Variants in FNDC3A observed in about 807,000 individuals in gnomAD.
FNDC3A encodes the protein fibronectin type III domain containing 3A, also known as fibronectin type-III domain-containing protein 3A.
In FNDC3A, 32 loss-of-function variants were observed where a neutral mutation model predicts 148.9. That is an observed-to-expected ratio of 0.21 (90% CI 0.16 to 0.29). FNDC3A has a LOEUF of 0.29. FNDC3A is among the 10% of genes least tolerant of loss of function. The pLI, the probability that FNDC3A is intolerant of heterozygous loss-of-function variation, is 1.00. For missense variants in FNDC3A, 1,191 were observed against 1,452.8 expected, an observed-to-expected ratio of 0.82 and a Z score of 2.93; for synonymous variants, 472 against 473.6, an observed-to-expected ratio of 1.00 and a Z score of 0.04.
At chr13:48,982,243 A>G (rs1446951308) in intron 1 of FNDC3A, among the ~76,000 whole-genome samples, 1 of 152,002 alleles carries the variant, frequency 6.6e-6, no homozygotes, top group East Asian at 1.9e-4. Flanking sequence ...TTATGTTTAA[A>G]TTTTCTAAAT....
intron 7 of FNDC3A, among the ~76,000 whole-genome samples, chr13:49,144,961 A>T (rs138365322): frequency 3.5e-4 from 53 of 152,300 alleles, no homozygotes; most frequent in Non-Finnish European, 6.0e-4. Flanking sequence ...GAGCACTTGC[A>T]GAATAATATG....
At chr13:49,174,141 G>A (rs985357987) in intron 11 of FNDC3A, among the ~76,000 whole-genome samples, 1 of 152,130 alleles carries the variant, frequency 6.6e-6, no homozygotes, top group Non-Finnish European at 1.5e-5. Context: ...GTCTTCTATG[G>A]AGATTGTAGG....
At chr13:48,975,474 A>G (rs1407574296), upstream of FNDC3A, 3 of 152,178 alleles carry the variant, frequency 2.0e-5, no homozygotes, top group Admixed American at 2.0e-4. Flanking sequence ...CCCATTTCAG[A>G]GGCTTCCTAG....
At chr13:49,145,045 G>A (rs1882915725) in intron 7 of FNDC3A, among the ~76,000 whole-genome samples, 1 of 151,954 alleles carries the variant, frequency 6.6e-6, no homozygotes, top group South Asian at 2.1e-4. Flanking sequence ...CATTAATAAT[G>A]CTGCAATGAA....
At chr13:49,182,459 T>G (rs1336846833) in intron 14 of FNDC3A, among the ~76,000 whole-genome samples, 3 of 152,094 alleles carry the variant, frequency 2.0e-5, no homozygotes, top group Non-Finnish European at 2.9e-5. Flanking sequence ...GAGTGGCCAG[T>G]CCTATAATCC....
At chr13:49,140,452 C>T (rs998209823) in intron 7 of FNDC3A, among the ~76,000 whole-genome samples, 4 of 152,114 alleles carry the variant, frequency 2.6e-5, no homozygotes, top group Non-Finnish European at 5.9e-5. Context: ...ATAGTGAGCC[C>T]TGTATCATAA....
At position 49,094,691 on chromosome 13, in the gene FNDC3A, T is replaced by C. The variant is rs546829871; in HGVS notation, c.175+19327T>C. ...GGAATTCGATGAAGTGAGAGAAGTG[T>C]TGTGATTGAAAAAGAAAAAGAAAAG... On this transcript the variant is annotated intron_variant, in intron 3 of 25. Transcript: ENST00000492622. Among the ~76,000 whole-genome samples, 14 of 152,106 alleles carry C rather than the reference T, an allele frequency of 9.2e-5. No homozygotes were observed. The South Asian group carries it at 2.9e-3, about 32-fold the overall frequency.
chr13:49,194,000 C>T (rs181715660), intron 19 of FNDC3A, among the ~76,000 whole-genome samples: 23 of 152,184 alleles, frequency 1.5e-4, no homozygotes, highest in African/African-American at 5.3e-4. Flanking sequence ...GTAGCTCACA[C>T]CTGTAATCCC....
intron 2 of FNDC3A, among the ~76,000 whole-genome samples, chr13:49,023,953 G>A (rs1873515311): frequency 6.6e-6 from 1 of 151,892 alleles, no homozygotes; most frequent in Admixed American, 6.6e-5. Context: ...CCAAAAGTGA[G>A]TTTCTTGAAA....
chr13:49,077,277 T>C (rs1434299199), intron 3 of FNDC3A, among the ~76,000 whole-genome samples: 1 of 152,194 alleles, frequency 6.6e-6, no homozygotes, highest in Non-Finnish European at 1.5e-5. Context: ...TGTCTCAAAA[T>C]AAAATTAAAT....
At chr13:49,110,908 A>C (rs1403061677) in intron 3 of FNDC3A, among the ~76,000 whole-genome samples, 2 of 152,200 alleles carry the variant, frequency 1.3e-5, no homozygotes, top group African/African-American at 4.8e-5. Context: ...GAGCTTCTCA[A>C]ATTTCTTAAG....
intron 1 of FNDC3A, among the ~76,000 whole-genome samples, chr13:49,004,020 G>A (rs1952175398): frequency 6.6e-6 from 1 of 152,034 alleles, no homozygotes; most frequent in Non-Finnish European, 1.5e-5. Context: ...GTTTGAAGTG[G>A]GCTGTGGCAG....
At chr13:49,093,111 A>G (rs1021483517) in intron 3 of FNDC3A, among the ~76,000 whole-genome samples, 3 of 152,182 alleles carry the variant, frequency 2.0e-5, no homozygotes, top group African/African-American at 7.2e-5. Flanking sequence ...TTAAACATAC[A>G]GTTGTGTAGG....
Position 49,191,200 on chromosome 13 carries a change from A to C in FNDC3A, c.2051-9A>C, listed in dbSNP as rs781425220. The C allele has an allele frequency of 8.7e-6, 14 of 1,605,296 alleles. No homozygotes were observed. In the East Asian group the frequency reaches 8.9e-5, roughly 10 times the overall value. ...CTTGTTAAATTGCATTAATCTTTCC[A>C]TCTTTTAGGACCCCCTCTGGTTGAT... On this transcript the variant is annotated splice_polypyrimidine_tract_variant and intron_variant, in intron 18 of 25. Coordinates refer to ENST00000492622, the MANE Select transcript of FNDC3A (RefSeq NM_001079673.2).
chr13:49,140,198 A>AG (rs1022516817), intron 7 of FNDC3A, among the ~76,000 whole-genome samples: 16 of 152,228 alleles, frequency 1.1e-4, no homozygotes, highest in African/African-American at 3.9e-4. Context: ...CTACAGACCA[A>AG]GGGGGCACAC....
chr13:49,115,183 A>G (rs868833671), intron 4 of FNDC3A, among the ~76,000 whole-genome samples: 38 of 133,814 alleles, frequency 2.8e-4, no homozygotes, highest in South Asian at 7.6e-4. Context: ...CTGAGGGATG[A>G]GGGGGGGGGG....
chr13:49,002,783 A>C (rs1378829514), intron 1 of FNDC3A, among the ~76,000 whole-genome samples: 2 of 152,202 alleles, frequency 1.3e-5, no homozygotes, highest in African/African-American at 4.8e-5. Context: ...CTAGTTCATT[A>C]ATTTTCATTG....
At chr13:49,032,481 T>C (rs757364519) in intron 2 of FNDC3A, among the ~76,000 whole-genome samples, 1 of 152,228 alleles carries the variant, frequency 6.6e-6, no homozygotes, top group Non-Finnish European at 1.5e-5. Context: ...TATGCCGCAA[T>C]GTGGATGAAC....
intron 3 of FNDC3A, among the ~76,000 whole-genome samples, chr13:49,088,191 C>T (rs1056605713): frequency 6.6e-6 from 1 of 152,008 alleles, no homozygotes; most frequent in Non-Finnish European, 1.5e-5. Flanking sequence ...AAAATTTATT[C>T]CTGGCACTAT....
Sources: allele counts gnomAD v4.1 joint callset (sites outside exome capture counted in the v4.1 genomes callset), GRCh38; gene constraint gnomAD v4.1.1; transcripts MANE v1.5; gene names NCBI Gene and HGNC (gene_info 2026-07-23, HGNC 2026-07-21).